The following ANKRD12 variants were observed in gnomAD, a reference collection of about 807,000 sequenced individuals.
The protein encoded by ANKRD12 is ankyrin repeat domain-containing protein 12.
Under a neutral mutation model 183.4 loss-of-function variants are expected in ANKRD12, and 85 were observed. That is an observed-to-expected ratio of 0.46 (90% CI 0.39 to 0.56). The LOEUF is 0.56. Among genes scored for constraint, ANKRD12 ranks in the 20% least tolerant of loss-of-function variants. The probability of loss-of-function intolerance (pLI) is 0.00; values close to 1 mark genes in which losing one functional copy is unlikely to be tolerated. For missense variants in ANKRD12, 2,405 were observed against 2,357.1 expected, an observed-to-expected ratio of 1.02 and a Z score of -0.42; for synonymous variants, 914 against 800.2, an observed-to-expected ratio of 1.14 and a Z score of -2.40.
At chr18:9,175,796 A>G (rs1309795015) in intron 1 of ANKRD12, among the ~76,000 whole-genome samples, 3 of 151,892 alleles carry the variant, frequency 2.0e-5, no homozygotes, top group Non-Finnish European at 4.4e-5. Flanking sequence ...CCAAAGTGCT[A>G]GAATTACAGG....
intron 4 of ANKRD12, among the ~76,000 whole-genome samples, chr18:9,205,385 A>ATTTTC (rs1202892955): frequency 3.6e-4 from 54 of 152,034 alleles, no homozygotes; most frequent in Non-Finnish European, 3.8e-4. Flanking sequence ...TAGTTATAAA[A>ATTTTC]ACTAAAGTAA....
chr18:9,168,029 T>G (rs2032274587), intron 1 of ANKRD12, among the ~76,000 whole-genome samples: 1 of 152,236 alleles, frequency 6.6e-6, no homozygotes, highest in Non-Finnish European at 1.5e-5. Context: ...TTTATTGATT[T>G]GCATATGTTG....
chr18:9,223,256 TCTC>T (rs1292129862), intron 8 of ANKRD12, among the ~76,000 whole-genome samples: 1 of 145,218 alleles, frequency 6.9e-6, no homozygotes, highest in Non-Finnish European at 1.5e-5. Flanking sequence ...CCCACCTCTC[TCTC>T]TTTTTTTTTT....
chr18:9,163,512 G>A (rs1388354410), intron 1 of ANKRD12, among the ~76,000 whole-genome samples: 4 of 151,974 alleles, frequency 2.6e-5, no homozygotes, highest in South Asian at 2.1e-4. Flanking sequence ...TTGGCTATAC[G>A]GGCTCTTTTT....
intron 8 of ANKRD12, among the ~76,000 whole-genome samples, chr18:9,243,824 T>C (rs182860048): frequency 1.1e-3 from 162 of 152,292 alleles, no homozygotes; most frequent in African/African-American, 3.8e-3. Context: ...GTTAGGAAAA[T>C]AGTTTTTTAA....
intron 11 of ANKRD12, among the ~76,000 whole-genome samples, chr18:9,277,633 C>T (rs1444679427): frequency 1.3e-5 from 2 of 151,970 alleles, no homozygotes; most frequent in African/African-American, 4.8e-5. Flanking sequence ...GGCCGACACC[C>T]TGTTTCTTAA....
chr18:9,279,486 A>G, intron 11 of ANKRD12, 63 bp from the exon 12 acceptor site: 3 of 943,286 alleles, frequency 3.2e-6, no homozygotes, highest in Non-Finnish European at 5.0e-6. Context: ...TAAAAATACT[A>G]TAATGGCATA....
intron 1 of ANKRD12, among the ~76,000 whole-genome samples, chr18:9,162,293 T>C (rs2031532941): frequency 6.7e-6 from 1 of 149,442 alleles, no homozygotes; most frequent in African/African-American, 2.5e-5. Flanking sequence ...TGAGAACATG[T>C]GGTGTTTGGT....
At chr18:9,182,636 A>G in intron 2 of ANKRD12, 117 bp downstream of exon 2, 1 of 540,168 alleles carries the variant, frequency 1.9e-6, no homozygotes. Flanking sequence ...GATAAATCCA[A>G]ACCATTTATG....
rs1465700064 is a variant in ANKRD12, at chr18:9,257,518, A to G, written c.4251A>G (p.Lys1417=). The change falls in exon 9 of 13, where the codon AAA becomes AAG. Residue 1417 remains lysine (K), a synonymous_variant. Transcript: ENST00000262126. The part of the protein sequence containing the change: ...PSSQVGVIQN[K]SWEMPVDRLE... ...GTCAGGTTGGTGTGATCCAGAATAA[A>G]TCATGGGAGATGCCTGTTGATAGAC... The G allele has an allele frequency of 1.2e-5, 19 of 1,614,096 alleles. No homozygotes were observed. Among genetic ancestry groups the G allele is most frequent in the Non-Finnish European group, 1.5e-5 (18 of 1,179,990 alleles).
chr18:9,256,054 C>G lies in ANKRD12; in HGVS notation c.2787C>G (p.His929Gln), dbSNP rs748318062. ...ATCTAGCAGAAAGCAAAGAAAAGCACTTGATGGAGAAAAAAAATAAACAAT... is the reference window on the plus strand; with the variant it reads ...ATCTAGCAGAAAGCAAAGAAAAGCAGTTGATGGAGAAAAAAAATAAACAAT... ...ERHLAESKEKHLMEKKNKQSD... is the reference protein window; with the variant it reads ...ERHLAESKEKQLMEKKNKQSD... Residue 929 changes from histidine (H) to glutamine (Q), a missense_variant, in exon 9 of 13, where the codon CAC (histidine) becomes CAG (glutamine). Physicochemically the swap from His to Gln is conservative, Grantham distance 24 (BLOSUM62 0). This residue lies in a region of ANKRD12 where 1,983 missense variants were observed against 1,725.9 expected (regional missense o/e 1.15). Coordinates refer to ENST00000262126, the MANE Select transcript of ANKRD12 (RefSeq NM_015208.5). 12 of 1,556,338 alleles carry G rather than the reference C, an allele frequency of 7.7e-6. 1 individual carries two copies. The South Asian group carries it at 1.1e-4, about 14-fold the overall frequency.
rs2040196829 is a variant in ANKRD12, at chr18:9,285,257, C to G, written c.*4131C>G. 6.7e-6 allele frequency: 1 copy of G among 150,358 alleles called. No homozygotes were observed. The highest frequency in any genetic ancestry group is 2.4e-5 in the African/African-American group (1 of 41,040). 9.3% of individuals were successfully genotyped at this position (150,358 alleles called of 1,614,324 possible). ...AGAAAATAGGCCAATATGGTGAAAC[C>G]CTTTCTCTACTAAAAATACAAAAAT... On this transcript the variant is annotated 3_prime_UTR_variant, in exon 13 of 13. Transcript: ENST00000262126.
chr18:9,178,694 CCTGG>C (rs1368701152), intron 1 of ANKRD12, among the ~76,000 whole-genome samples: 23 of 152,036 alleles, frequency 1.5e-4, no homozygotes, highest in African/African-American at 5.6e-4. Context: ...AAAAATAGAT[CCTGG>C]AAATTTGACT....
Position 9,256,821 on chromosome 18 carries a change from G to T in ANKRD12, c.3554G>T (p.Ser1185Ile), listed in dbSNP as rs1186662616. 6.2e-7 allele frequency: 1 copy of T among 1,613,930 alleles called. No individual in the cohort carries two copies. Among genetic ancestry groups the T allele is most frequent in the African/African-American group, 1.3e-5 (1 of 75,020 alleles). The change falls in exon 9 of 13, where the codon AGC (serine) becomes ATC (isoleucine). Residue 1185 changes from serine to isoleucine, a missense_variant. Ser to Ile is a moderately radical substitution (Grantham distance 142). Around this residue, in one of 7 missense-constraint regions of ANKRD12, gnomAD observed 1,983 missense variants for 1,725.9 expected, o/e 1.15. Transcript: ENST00000262126. ...AAGTCATCTTTTGTTTCAGATAATA[G>T]CTTAAACAGGTCTCCTAGATCAGAA... ...LGKSSFVSDN[S>I]LNRSPRSENE...
chr18:9,183,726 G>GC (rs1376752991), intron 2 of ANKRD12, among the ~76,000 whole-genome samples: 3 of 151,142 alleles, frequency 2.0e-5, no homozygotes, highest in Admixed American at 2.0e-4. Flanking sequence ...TTTACTTCTC[G>GC]CCCCCCTTTT....
At chr18:9,236,591 A>G (rs2037360045) in intron 8 of ANKRD12, among the ~76,000 whole-genome samples, 1 of 152,186 alleles carries the variant, frequency 6.6e-6, no homozygotes. Flanking sequence ...GCAAAAATTC[A>G]AAGAGAATCA....
chr18:9,232,928 C>A (rs773874088), intron 8 of ANKRD12, among the ~76,000 whole-genome samples: 1 of 151,960 alleles, frequency 6.6e-6, no homozygotes, highest in Non-Finnish European at 1.5e-5. Flanking sequence ...CGGCTCACTA[C>A]AACCTCTGCC....
chr18:9,255,249 A>G lies in ANKRD12; in HGVS notation c.1982A>G (p.Glu661Gly). 6.4e-7 allele frequency: 1 copy of G among 1,569,752 alleles called. No homozygotes were observed. The highest frequency in any genetic ancestry group is 8.6e-7 in the Non-Finnish European group (1 of 1,167,028). ...KKHKLKHKEREKEKHKKEIEG... is the reference protein window; with the variant it reads ...KKHKLKHKERGKEKHKKEIEG... ...CATAAATTGAAGCATAAAGAGAGGGAAAAAGAAAAGCATAAAAAAGAAATT... is the reference window on the plus strand; with the variant it reads ...CATAAATTGAAGCATAAAGAGAGGGGAAAAGAAAAGCATAAAAAAGAAATT... The change falls in exon 9 of 13, where the codon GAA (glutamate) becomes GGA (glycine). Residue 661 changes from glutamate (E) to glycine (G), a missense_variant. Transcript: ENST00000262126.
rs188714912 is a variant in ANKRD12, at chr18:9,222,126, C to T, written c.943+127C>T. The T allele has an allele frequency of 4.0e-4, 450 of 1,133,042 alleles. 1 individual carries two copies. The highest frequency in any genetic ancestry group is 5.2e-4 in the Non-Finnish European group (412 of 798,966). The allele number at this position is 1,133,042 out of a possible 1,614,324, so 70.2% of individuals were successfully genotyped here. On this transcript the variant is annotated intron_variant, in intron 8 of 12. Transcript: ENST00000262126. Reference sequence around the variant, plus strand: ...ATAATGCTGGCTAGCTAGAATAATGCTTAGCTAACTAGCTAAGAATGATGA... The same window carrying T: ...ATAATGCTGGCTAGCTAGAATAATGTTTAGCTAACTAGCTAAGAATGATGA...
Sources: allele counts gnomAD v4.1 joint callset (sites outside exome capture counted in the v4.1 genomes callset), GRCh38; gene constraint gnomAD v4.1.1; regional missense constraint gnomAD v4.1.1; transcripts MANE v1.5; gene names NCBI Gene and HGNC (gene_info 2026-07-23, HGNC 2026-07-21).